Variants in ANKRD2 observed in about 807,000 individuals in gnomAD.
ANKRD2 encodes ankyrin repeat domain-containing protein 2.
A neutral mutation model predicts 37.3 loss-of-function variants in ANKRD2; 35 were observed. The ratio of observed to expected loss-of-function variants is 0.94; its 90% CI spans 0.72 to 1.24. ANKRD2 has a LOEUF of 1.24. Among genes scored for constraint, ANKRD2 ranks in the 50% most tolerant of loss-of-function variants. The pLI, the probability that ANKRD2 is intolerant of heterozygous loss-of-function variation, is 0.00. For synonymous variants in ANKRD2, 159 were observed against 186.5 expected, an observed-to-expected ratio of 0.85 and a Z score of 1.20; for missense variants, 410 against 445.6, an observed-to-expected ratio of 0.92 and a Z score of 0.72.
Position 97,583,814 on chromosome 10 carries a change from C to T in ANKRD2, c.*89C>T. On this transcript the variant is annotated 3_prime_UTR_variant, in exon 9 of 9. Transcript: ENST00000370655. ...ATGGCTCCCGGAGCTAACTGAGGGC[C>T]CAGCCTTTTTTCTGCATGATCCAGG... 7.3e-7 allele frequency: 1 copy of T among 1,374,432 alleles called. No individual in the cohort carries two copies. Among genetic ancestry groups the T allele is most frequent in the Non-Finnish European group, 9.5e-7 (1 of 1,053,912 alleles). 85.1% of individuals were successfully genotyped at this position (1,374,432 alleles called of 1,614,324 possible).
Position 97,577,822 on chromosome 10 carries a change from A to T in ANKRD2, c.110A>T (p.Gln37Leu), listed in dbSNP as rs773628624. 5.1e-6 allele frequency: 8 copies of T among 1,569,604 alleles called. No homozygotes were observed. In the Admixed American group the frequency reaches 5.7e-5, roughly 11 times the overall value. ...ENEKLRGDARQKLPMDLLVLE... is the reference protein window; with the variant it reads ...ENEKLRGDARLKLPMDLLVLE... Reference sequence around the variant, plus strand: ...CAGAAACTCCGAGGAGACGCACGCCAGAAGCTGCCCATGGACTTGCTGGTG... The same window carrying T: ...CAGAAACTCCGAGGAGACGCACGCCTGAAGCTGCCCATGGACTTGCTGGTG... Residue 37 changes from glutamine (Q) to leucine (L), a missense_variant, in exon 2 of 9, where the codon CAG (glutamine) becomes CTG (leucine). By Grantham distance (113) the Gln-to-Leu change is moderately radical. Transcript: ENST00000370655.
chr10:97,578,314 C>T lies in ANKRD2; in HGVS notation c.264C>T (p.Leu88=). 6.2e-7 allele frequency: 1 copy of T among 1,613,302 alleles called. No individual in the cohort carries two copies. Among genetic ancestry groups the T allele is most frequent in the South Asian group, 1.1e-5 (1 of 91,074 alleles). ...EIIDVGGIQN[L]IELRKKRKQK... ...TCGATGTGGGCGGGATCCAGAACCT[C>T]ATCGAGCTGCGGAAGAAACGCAAGC... Residue 88 remains leucine, a synonymous_variant, in exon 3 of 9, where the codon CTC becomes CTT. Transcript: ENST00000370655.
Position 97,580,959 on chromosome 10 carries a change from T to A in ANKRD2, c.555+6T>A. 6.3e-7 allele frequency: 1 copy of A among 1,578,662 alleles called. No individual in the cohort carries two copies. The highest frequency in any genetic ancestry group is 8.6e-7 in the Non-Finnish European group (1 of 1,161,718). ...CTGTGGACTTCCAGGATCGGGTGAG[T>A]GAGAGGGCAGGTATTCAATGGGAGA... is the stretch of plus-strand genomic sequence containing the variant. On this transcript the variant is annotated splice_donor_region_variant and intron_variant, in intron 5 of 8. Coordinates refer to ENST00000370655, the MANE Select transcript of ANKRD2 (RefSeq NM_001346793.2).
intron 4 of ANKRD2, 148 bp from the exon 5 acceptor site, chr10:97,580,707 T>A (rs1367366890): frequency 6.3e-6 from 4 of 630,932 alleles, no homozygotes; most frequent in Non-Finnish European, 1.1e-5. Flanking sequence ...GGATAGAGCA[T>A]AAGGGAGCTG....
chr10:97,575,689 T>A (rs1250180536), intron 1 of ANKRD2, among the ~76,000 whole-genome samples: 1 of 152,156 alleles, frequency 6.6e-6, no homozygotes, highest in African/African-American at 2.4e-5. Context: ...GTGGGCGGAT[T>A]GCCTGAGCTC....
chr10:97,578,667 C>A, intron 4 of ANKRD2, 62 bp downstream of exon 4: 2 of 1,322,056 alleles, frequency 1.5e-6, no homozygotes, highest in Non-Finnish European at 2.1e-6. Flanking sequence ...CTCCGTTCGG[C>A]TCCTGGGTCA....
chr10:97,583,752 C>G lies in ANKRD2; in HGVS notation c.*27C>G, dbSNP rs201115762. ...TGCGTGCCCCAGCCCAGCCAGCTAC[C>G]CAGCCCCTCTCTGTGTGCAGCCGGA... is the stretch of plus-strand genomic sequence containing the variant. On this transcript the variant is annotated 3_prime_UTR_variant, in exon 9 of 9. Coordinates refer to ENST00000370655, the MANE Select transcript of ANKRD2 (RefSeq NM_001346793.2). 1 of 1,483,634 alleles carries G rather than the reference C, an allele frequency of 6.7e-7. No homozygotes were observed. The highest frequency in any genetic ancestry group is 2.5e-4 in the Middle Eastern group (1 of 3,930). 91.9% of individuals were successfully genotyped at this position (1,483,634 alleles called of 1,614,324 possible).
At chr10:97,580,374 C>T (rs1434110688) in intron 4 of ANKRD2, among the ~76,000 whole-genome samples, 1 of 152,204 alleles carries the variant, frequency 6.6e-6, no homozygotes, top group African/African-American at 2.4e-5. Flanking sequence ...TTCTTTGAAT[C>T]AGTGATCAGT....
rs79370640 is a variant in ANKRD2 at position 97,575,248 on chromosome 10, G to T, written c.87+2373G>T. ...CCAGCCTGGCAGGGTTCTTGGAGGA[G>T]AACCTCTGTCTAGCCTGTGCCCCAT... On this transcript the variant is annotated intron_variant, in intron 1 of 8. Coordinates refer to ENST00000370655, the MANE Select transcript of ANKRD2 (RefSeq NM_001346793.2). Among the ~76,000 whole-genome samples the T allele has an allele frequency of 6.6e-4, 101 of 152,306 alleles. 2 individuals carry two copies. In the East Asian group the frequency reaches 0.018, roughly 27 times the overall value.
At chr10:97,577,196 G>T (rs1356449212) in intron 1 of ANKRD2, among the ~76,000 whole-genome samples, 1 of 151,198 alleles carries the variant, frequency 6.6e-6, no homozygotes, top group Non-Finnish European at 1.5e-5. Context: ...TAAAGATGGG[G>T]TCTCACTATA....
chr10:97,583,684 G>C lies in ANKRD2; in HGVS notation c.961G>C (p.Asp321His), dbSNP rs1303171830. ...GCATAACGGGCTGGAGGGGCCTAAT[G>C]ATAGTGGGCGAGAGACCCCTCAGCC... ...AEHNGLEGPN[D>H]SGRETPQPVP... is the part of the protein sequence containing the mutation. The change falls in exon 9 of 9, where the codon GAT becomes CAT. Residue 321 changes from aspartate (D) to histidine (H), a missense_variant. Physicochemically the swap from Asp to His is moderately conservative, Grantham distance 81 (BLOSUM62 -1). Coordinates refer to ENST00000370655, the MANE Select transcript of ANKRD2 (RefSeq NM_001346793.2). 6.3e-7 allele frequency: 1 copy of C among 1,596,764 alleles called. No individual in the cohort carries two copies. The highest frequency in any genetic ancestry group is 1.7e-5 in the Admixed American group (1 of 57,936).
chr10:97,581,305 T>C lies in ANKRD2; in HGVS notation c.556-11T>C. On this transcript the variant is annotated splice_polypyrimidine_tract_variant and intron_variant, in intron 5 of 8. Coordinates refer to ENST00000370655, the MANE Select transcript of ANKRD2 (RefSeq NM_001346793.2). The stretch of plus-strand genomic sequence containing the variant: ...GCAGCTCTGTAGTTAGACCCCCTCA[T>C]TTCTTTCTAGCTGGACTGCACAGCC... The C allele has an allele frequency of 6.2e-7, 1 of 1,613,386 alleles. No individual in the cohort carries two copies. The highest frequency in any genetic ancestry group is 1.3e-5 in the African/African-American group (1 of 75,032).
At chr10:97,582,220 G>A (rs1447721663) in intron 6 of ANKRD2, 95 bp from the exon 7 acceptor site, 2 of 1,020,174 alleles carry the variant, frequency 2.0e-6, no homozygotes, top group Non-Finnish European at 2.9e-6. Flanking sequence ...GGACTTGGAA[G>A]AGGGATTAAG....
intron 6 of ANKRD2, 117 bp from the exon 7 acceptor site, chr10:97,582,198 G>A: frequency 3.7e-6 from 3 of 800,486 alleles, no homozygotes; most frequent in Non-Finnish European, 2.0e-6. Context: ...CAAGGCTCAG[G>A]CCTTGGCACT....
At chr10:97,580,161 A>G (rs1251985624) in intron 4 of ANKRD2, among the ~76,000 whole-genome samples, 1 of 152,162 alleles carries the variant, frequency 6.6e-6, no homozygotes, top group African/African-American at 2.4e-5. Context: ...CCAGAATACA[A>G]AAAAACAAAA....
chr10:97,583,170 A>G (rs2040924877), intron 8 of ANKRD2, among the ~76,000 whole-genome samples: 1 of 152,212 alleles, frequency 6.6e-6, no homozygotes, highest in African/African-American at 2.4e-5. Flanking sequence ...ACTTAGTCCA[A>G]GTTCTTCTTT....
At chr10:97,572,633 C>G, upstream of ANKRD2, 1 of 1,507,860 alleles carries the variant, frequency 6.6e-7, no homozygotes, top group Non-Finnish European at 8.9e-7. Context: ...GCCCTGGCTC[C>G]CCCTGCTCCC....
At chr10:97,572,945 T>C in intron 1 of ANKRD2, 70 bp downstream of exon 1, 72 of 1,439,976 alleles carry the variant, frequency 5.0e-5, no homozygotes, top group Non-Finnish European at 6.2e-5. Flanking sequence ...GGGAGGGAGA[T>C]CCTGTCTGCT....
In ANKRD2 at chr10:97,581,297, C is replaced by G. The variant is rs758425825; in HGVS notation, c.556-19C>G. 11 of 1,609,968 alleles carry G rather than the reference C, an allele frequency of 6.8e-6. No individual in the cohort carries two copies. In the South Asian group the frequency reaches 1.1e-4, roughly 16 times the overall value. On this transcript the variant is annotated intron_variant, in intron 5 of 8. Transcript: ENST00000370655. ...TCTTCCCTGCAGCTCTGTAGTTAGA[C>G]CCCCTCATTTCTTTCTAGCTGGACT...
Sources: allele counts gnomAD v4.1 joint callset (sites outside exome capture counted in the v4.1 genomes callset), GRCh38; gene constraint gnomAD v4.1.1; transcripts MANE v1.5; gene names NCBI Gene and HGNC (gene_info 2026-07-23, HGNC 2026-07-21).